INPP5D: variants seen among roughly 807,000 people sequenced by gnomAD.
INPP5D encodes inositol polyphosphate-5-phosphatase D.
A neutral mutation model predicts 122.9 loss-of-function variants in INPP5D; 33 were observed. The observed-to-expected ratio is 0.27, with a 90% CI of 0.20 to 0.36. The LOEUF (loss-of-function observed/expected upper bound fraction) is 0.36. Among genes scored for constraint, INPP5D ranks in the 10% least tolerant of loss-of-function variants. The pLI is 1.00. For synonymous variants in INPP5D, 584 were observed against 576.2 expected, an observed-to-expected ratio of 1.01 and a Z score of -0.19; for missense variants, 1,053 against 1,412.7, an observed-to-expected ratio of 0.75 and a Z score of 4.08.
rs1048830993 is a variant in INPP5D, at chr2:233,082,725, C to G, written c.198+3327C>G. On this transcript the variant is annotated intron_variant, in intron 2 of 26. Coordinates refer to ENST00000445964, the MANE Select transcript of INPP5D (RefSeq NM_001017915.3). This position sits in a 1 kb window ranked among gnomAD's most constrained non-coding sequence, Gnocchi z 4.7. The stretch of plus-strand genomic sequence containing the variant: ...GGGGGACTCTTTTCTCTCACTCCAT[C>G]TTTCACAGACTTAAAAAAAATCCGA... 2.0e-5 allele frequency among the ~76,000 whole-genome samples: 3 copies of G among 152,178 alleles called. No individual in the cohort carries two copies. The highest frequency in any genetic ancestry group is 2.0e-4 in the Admixed American group (3 of 15,274).
intron 22 of INPP5D, among the ~76,000 whole-genome samples, chr2:233,191,634 A>G (rs574947649): frequency 1.3e-5 from 2 of 152,140 alleles, no homozygotes; most frequent in Non-Finnish European, 2.9e-5. Flanking sequence ...GACCCAACAC[A>G]AAGACCAAGC....
At chr2:233,095,638 AAAAAAC>A (rs1258062716) in intron 2 of INPP5D, among the ~76,000 whole-genome samples, 2 of 124,064 alleles carry the variant, frequency 1.6e-5, no homozygotes, top group African/African-American at 3.0e-5. Context: ...AAAAAAAAAA[AAAAAAC>A]AACTCCTGGG....
At chr2:233,060,794 C>T (rs1441164135) in intron 1 of INPP5D, among the ~76,000 whole-genome samples, 182 bp downstream of exon 1, 1 of 152,202 alleles carries the variant, frequency 6.6e-6, no homozygotes, top group Non-Finnish European at 1.5e-5. Context: ...GCAGGTTTTG[C>T]AGCCTTGGAG....
rs1031230480 is a variant in INPP5D, at chr2:233,105,570, G to A, written c.199-16537G>A. 2.0e-5 allele frequency among the ~76,000 whole-genome samples: 3 copies of A among 152,144 alleles called. No homozygotes were observed. The highest frequency in any genetic ancestry group is 6.6e-5 in the Admixed American group (1 of 15,266). On this transcript the variant is annotated intron_variant, in intron 2 of 26. Transcript: ENST00000445964. This position sits in a 1 kb window ranked among gnomAD's most constrained non-coding sequence, Gnocchi z 4.0. ...TTTGCTGGACTGTGGGCAGGGCCTG[G>A]GTCTGTGTTGGTCCCTGATGCCGGG...
chr2:233,172,414 A>G (rs1574784748), intron 17 of INPP5D, among the ~76,000 whole-genome samples: 1 of 152,282 alleles, frequency 6.6e-6, no homozygotes, highest in East Asian at 1.9e-4. Flanking sequence ...AGGACGCGGC[A>G]GGGGCATCGG....
intron 13 of INPP5D, 124 bp from the exon 14 acceptor site, chr2:233,169,181 T>G: frequency 1.4e-6 from 2 of 1,434,990 alleles, no homozygotes; most frequent in Admixed American, 4.2e-5. Flanking sequence ...CACGACCCTG[T>G]TTCGCCCATC....
chr2:233,175,686 G>GT (rs35661704), intron 17 of INPP5D, among the ~76,000 whole-genome samples: 23,609 of 144,056 alleles, frequency 0.16, 1,993 homozygotes, highest in Middle Eastern at 0.22. Flanking sequence ...AAAAACTTTT[G>GT]TTTTTTTTTT....
chr2:233,165,850 TTG>T (rs57991740), intron 13 of INPP5D, among the ~76,000 whole-genome samples: 84,528 of 150,170 alleles, frequency 0.56, 25,060 homozygotes, highest in Non-Finnish European at 0.68. Context: ...CTCTGTGTGT[TTG>T]TGTGTGTGTG....
chr2:233,202,269 C>T (rs1695359763), intron 25 of INPP5D, among the ~76,000 whole-genome samples: 2 of 152,216 alleles, frequency 1.3e-5, no homozygotes, highest in South Asian at 4.1e-4. Flanking sequence ...TGCCCTCTTC[C>T]CTTGGCTAAC....
chr2:233,083,670 G>A (rs1258506435), intron 2 of INPP5D, among the ~76,000 whole-genome samples: 1 of 152,226 alleles, frequency 6.6e-6, no homozygotes, highest in African/African-American at 2.4e-5. Context: ...TGAGCTGGGA[G>A]GCTGCTGCTG....
intron 6 of INPP5D, among the ~76,000 whole-genome samples, chr2:233,144,378 TC>T (rs1693695458): frequency 2.2e-5 from 3 of 139,394 alleles, no homozygotes; most frequent in South Asian, 2.4e-4. Flanking sequence ...GTGGAGGTGG[TC>T]ATGATCACGG....
At chr2:233,168,892 G>A (rs745840998) in intron 13 of INPP5D, 5 of 197,742 alleles carry the variant, frequency 2.5e-5, no homozygotes, top group Non-Finnish European at 3.1e-5. Context: ...AGATCAGAAC[G>A]TTGGCAGAAA....
At chr2:233,093,264 AG>A (rs1411288815) in intron 2 of INPP5D, among the ~76,000 whole-genome samples, 1 of 152,230 alleles carries the variant, frequency 6.6e-6, no homozygotes. Context: ...ACAAAACAGA[AG>A]TAAAATCCCC....
intron 2 of INPP5D, among the ~76,000 whole-genome samples, chr2:233,109,342 C>T (rs1427049058): frequency 6.6e-6 from 1 of 152,214 alleles, no homozygotes; most frequent in African/African-American, 2.4e-5. Flanking sequence ...CAGTGCTTGT[C>T]CTGGGCTGCT....
At chr2:233,113,578 C>G (rs755796445) in intron 2 of INPP5D, among the ~76,000 whole-genome samples, 34 of 152,106 alleles carry the variant, frequency 2.2e-4, no homozygotes, top group Admixed American at 6.6e-5. Flanking sequence ...AAAGCTCTTC[C>G]CAAATCTGTC....
chr2:233,101,856 G>GT (rs974715543), intron 2 of INPP5D, among the ~76,000 whole-genome samples: 3 of 151,444 alleles, frequency 2.0e-5, no homozygotes, highest in South Asian at 4.2e-4. Context: ...TGGGAAGGAT[G>GT]TTTTTTCTAC....
At chr2:233,064,754 C>T (rs1371367699) in intron 1 of INPP5D, among the ~76,000 whole-genome samples, 1 of 152,174 alleles carries the variant, frequency 6.6e-6, no homozygotes, top group Admixed American at 6.5e-5. Flanking sequence ...GGGAACTTCT[C>T]GTGATGGAGC....
chr2:233,108,871 G>T (rs1574732587), intron 2 of INPP5D, among the ~76,000 whole-genome samples: 1 of 152,220 alleles, frequency 6.6e-6, no homozygotes, highest in Non-Finnish European at 1.5e-5. Context: ...CTCTGTGCCA[G>T]GCACTAAAGC....
At chr2:233,204,759 T>A (rs1283745575) in intron 26 of INPP5D, 42 bp downstream of exon 26, 2 of 1,453,314 alleles carry the variant, frequency 1.4e-6, no homozygotes, top group Non-Finnish European at 1.8e-6. Flanking sequence ...TTTGTGTGTG[T>A]GTGCATGCGT....
Sources: allele counts gnomAD v4.1 joint callset (sites outside exome capture counted in the v4.1 genomes callset), GRCh38; gene constraint gnomAD v4.1.1; non-coding constraint Gnocchi (gnomAD v3.1); transcripts MANE v1.5; gene names NCBI Gene and HGNC (gene_info 2026-07-23, HGNC 2026-07-21).